SENP1: variants seen among roughly 807,000 people sequenced by gnomAD.
SENP1 encodes the protein sentrin-specific protease 1.
A neutral mutation model predicts 93.0 loss-of-function variants in SENP1; 21 were observed. The observed-to-expected ratio is 0.23, with a 90% confidence interval of 0.16 to 0.33. SENP1 has a LOEUF of 0.33. Among genes scored for constraint, SENP1 ranks in the 10% least tolerant of loss-of-function variants. The pLI is 1.00. For synonymous variants in SENP1, 256 were observed against 259.6 expected, an observed-to-expected ratio of 0.99 and a Z score of 0.13; for missense variants, 591 against 758.7, an observed-to-expected ratio of 0.78 and a Z score of 2.60.
chr12:48,105,201 G>A (rs747557147), intron 1 of SENP1: 2 of 339,658 alleles, frequency 5.9e-6, no homozygotes, highest in East Asian at 7.2e-5. Flanking sequence ...AATATAATAA[G>A]TGTACCAAAT....
rs370021236 is a variant in SENP1, at chr12:48,078,317, T to TTATATATATATA, written c.553-3536_553-3525dup. ...GTTTTTTGGTGGAGTCTGTAGGATT[T>TTATATATATATA]TATATATATATATATATACACACAC... On this transcript the variant is annotated intron_variant, in intron 6 of 17. Transcript: ENST00000549518. Among the ~76,000 whole-genome samples the TTATATATATATA allele has an allele frequency of 1.7e-3, 119 of 70,720 alleles. 8 individuals are homozygous for TTATATATATATA. Among genetic ancestry groups the TTATATATATATA allele is most frequent in the Admixed American group, 4.8e-3 (28 of 5,800 alleles). The allele number at this position is 70,720 out of a possible 152,430, so 46.4% of individuals were successfully genotyped here.
At chr12:48,063,527 T>C (rs1476392310) in intron 13 of SENP1, 183 bp downstream of exon 13, 1 of 517,338 alleles carries the variant, frequency 1.9e-6, no homozygotes, top group Non-Finnish European at 3.4e-6. Flanking sequence ...ACACCTGAGA[T>C]GTTTGTTAAA....
intron 9 of SENP1, among the ~76,000 whole-genome samples, chr12:48,070,275 T>C (rs975515880): frequency 2.6e-5 from 4 of 152,316 alleles, no homozygotes; most frequent in South Asian, 4.1e-4. Flanking sequence ...CATATTTCCA[T>C]ATGGCTCCCT....
At position 48,044,069 on chromosome 12, in the gene SENP1, A is replaced by G. The variant is rs1278721982; in HGVS notation, c.*1253T>C. Reference sequence around the variant, plus strand: ...CTCAGAGGGTGGGGAGAGATGCTAGAAAGAACAAAAGGAATAGCAGTTTTT... The same window carrying G: ...CTCAGAGGGTGGGGAGAGATGCTAGGAAGAACAAAAGGAATAGCAGTTTTT... On this transcript the variant is annotated 3_prime_UTR_variant, in exon 18 of 18. Coordinates refer to ENST00000549518, the MANE Select transcript of SENP1 (RefSeq NM_001267594.2). 6.6e-6 allele frequency: 1 copy of G among 152,408 alleles called. No individual in the cohort carries two copies. Among genetic ancestry groups the G allele is most frequent in the Non-Finnish European group, 1.5e-5 (1 of 68,008 alleles). 9.4% of individuals were successfully genotyped at this position (152,408 alleles called of 1,614,324 possible). A position where few individuals can be genotyped will look rare whatever the true frequency, so the allele number is the denominator to read the frequency against.
rs1377740607 is a variant in SENP1, at chr12:48,083,654, T to C, written c.489A>G (p.Ser163=). Residue 163 remains serine, a synonymous_variant, in exon 6 of 18, where the codon TCA becomes TCG. Coordinates refer to ENST00000549518, the MANE Select transcript of SENP1 (RefSeq NM_001267594.2). ...TGGGGCTCAAAAGACTTCGACGACA[T>C]GAACCACTCCAAGATGGACTTGGAA... The part of the protein sequence containing the change: ...KPVPSPSWSG[S]CRRSLLSPKK... The C allele has an allele frequency of 6.2e-7, 1 of 1,613,886 alleles. No individual in the cohort carries two copies. The highest frequency in any genetic ancestry group is 1.7e-5 in the Admixed American group (1 of 60,016).
At chr12:48,099,346 C>A (rs1039560050) in intron 2 of SENP1, among the ~76,000 whole-genome samples, 10 of 151,482 alleles carry the variant, frequency 6.6e-5, no homozygotes, top group African/African-American at 2.4e-4. Context: ...ACAACAACAA[C>A]AACAAAGAAA....
At chr12:48,053,112 A>G (rs1941941260) in intron 13 of SENP1, among the ~76,000 whole-genome samples, 1 of 152,146 alleles carries the variant, frequency 6.6e-6, no homozygotes, top group Admixed American at 6.6e-5. Context: ...TACTCCTTGG[A>G]AAAATTATCA....
At chr12:48,065,422 A>G (rs1401135443) in intron 11 of SENP1, among the ~76,000 whole-genome samples, 174 bp downstream of exon 11, 1 of 152,212 alleles carries the variant, frequency 6.6e-6, no homozygotes, top group African/African-American at 2.4e-5. Context: ...CTTATGTACA[A>G]TGAGTAGCAC....
intron 13 of SENP1, among the ~76,000 whole-genome samples, chr12:48,056,198 A>G (rs1268347641): frequency 1.2e-5 from 1 of 81,464 alleles, no homozygotes; most frequent in African/African-American, 5.2e-5. Context: ...AATATATAGT[A>G]TATATTATTT....
rs1941109317 is a variant in SENP1, at chr12:48,043,200, G to C, written c.*2122C>G. 1 of 152,590 alleles carries C rather than the reference G, an allele frequency of 6.6e-6. No individual in the cohort carries two copies. The highest frequency in any genetic ancestry group is 6.5e-5 in the Admixed American group (1 of 15,282). The allele number at this position is 152,590 out of a possible 1,614,324, so 9.5% of individuals were successfully genotyped here. A position where few individuals can be genotyped will look rare whatever the true frequency, so the allele number is the denominator to read the frequency against. On this transcript the variant is annotated 3_prime_UTR_variant, in exon 18 of 18. Transcript: ENST00000549518. ...AGAAAGGGGGCCCAAATTCAGACAG[G>C]CTCAACAATTCCTTATATATTTTTC...
chr12:48,046,413 C>T lies in SENP1; in HGVS notation c.1815G>A (p.Met605Ile). ...TACAGTCAGCATATTTGCAGGCAAA[C>T]ATCCCACAGTCACTTCCATTCATCT... ...PQQMNGSDCGMFACKYADCIT... is the reference protein window; with the variant it reads ...PQQMNGSDCGIFACKYADCIT... The change falls in exon 17 of 18, where the codon ATG (methionine) becomes ATA (isoleucine). Residue 605 changes from methionine to isoleucine, a missense_variant. By Grantham distance (10) the Met-to-Ile change is conservative. This residue lies in a region of SENP1 where 132 missense variants were observed against 230.1 expected (regional missense o/e 0.57). Coordinates refer to ENST00000549518, the MANE Select transcript of SENP1 (RefSeq NM_001267594.2). 12 of 1,613,378 alleles carry T rather than the reference C, an allele frequency of 7.4e-6. No individual in the cohort carries two copies. The highest frequency in any genetic ancestry group is 1.0e-5 in the Non-Finnish European group (12 of 1,179,414).
In SENP1 at chr12:48,089,404, G is replaced by A. The variant is rs185492133; in HGVS notation, c.221-444C>T. 59 of 1,104,736 alleles carry A rather than the reference G, an allele frequency of 5.3e-5. No homozygotes were observed. In the East Asian group the frequency reaches 1.8e-3, roughly 33 times the overall value. The allele number at this position is 1,104,736 out of a possible 1,614,324, so 68.4% of individuals were successfully genotyped here. On this transcript the variant is annotated intron_variant, in intron 4 of 17. Coordinates refer to ENST00000549518, the MANE Select transcript of SENP1 (RefSeq NM_001267594.2). Reference sequence around the variant, plus strand: ...CTAAGCAGCTAGTGTCACTTTCTTCGTTTTAGTTACCATGTTCAAGACTCA... The same window carrying A: ...CTAAGCAGCTAGTGTCACTTTCTTCATTTTAGTTACCATGTTCAAGACTCA...
chr12:48,045,467 A>G, intron 17 of SENP1, 83 bp from the exon 18 acceptor site: 1 of 1,125,614 alleles, frequency 8.9e-7, no homozygotes, highest in Non-Finnish European at 1.3e-6. Context: ...TTTCTTTTGC[A>G]AGGTTTTCAA....
chr12:48,070,864 G>A (rs1443897682), intron 9 of SENP1, among the ~76,000 whole-genome samples: 1 of 152,208 alleles, frequency 6.6e-6, no homozygotes, highest in South Asian at 2.1e-4. Context: ...GGCCAAGTTA[G>A]GAGGATCGCT....
In SENP1 at chr12:48,065,699, C is replaced by T. The variant is rs375658739; in HGVS notation, c.1035-19G>A. On this transcript the variant is annotated intron_variant, in intron 10 of 17. Coordinates refer to ENST00000549518, the MANE Select transcript of SENP1 (RefSeq NM_001267594.2). ...ACTAGTTCTAGAAAATGAAAAGGAA[C>T]GTGACCAAATGTAGACCACTCTCAT... 17 of 1,501,906 alleles carry T rather than the reference C, an allele frequency of 1.1e-5. No individual in the cohort carries two copies. The highest frequency in any genetic ancestry group is 1.4e-5 in the African/African-American group (1 of 71,978). The allele number at this position is 1,501,906 out of a possible 1,614,324, so 93.0% of individuals were successfully genotyped here.
At chr12:48,092,766 T>A (rs1324344556) in intron 4 of SENP1, among the ~76,000 whole-genome samples, 1 of 152,220 alleles carries the variant, frequency 6.6e-6, no homozygotes, top group Non-Finnish European at 1.5e-5. Flanking sequence ...ACTTGTGGTA[T>A]GAGGATAAAC....
intron 14 of SENP1, among the ~76,000 whole-genome samples, 169 bp downstream of exon 14, chr12:48,048,760 C>T (rs998495252): frequency 2.0e-5 from 3 of 152,138 alleles, no homozygotes; most frequent in East Asian, 1.9e-4. Context: ...AAATCTACAT[C>T]CCAATCTTGA....
At chr12:48,070,059 A>T (rs908303062) in intron 9 of SENP1, among the ~76,000 whole-genome samples, 1 of 152,238 alleles carries the variant, frequency 6.6e-6, no homozygotes. Context: ...ACAGAGGAAG[A>T]AGTATTTGAT....
Position 48,078,569 on chromosome 12 carries a change from G to A in SENP1, c.553-3776C>T, listed in dbSNP as rs1944303938. Among the ~76,000 whole-genome samples the A allele has an allele frequency of 2.0e-5, 3 of 150,784 alleles. No individual in the cohort carries two copies. In the South Asian group the frequency reaches 6.3e-4, roughly 32 times the overall value. ...AGAGTCTTGCTCTGTCGCCCAGACT[G>A]GAGTGCAGTGGCGCGATCTTGGCTC... On this transcript the variant is annotated intron_variant, in intron 6 of 17. Transcript: ENST00000549518.
Sources: allele counts gnomAD v4.1 joint callset (sites outside exome capture counted in the v4.1 genomes callset), GRCh38; gene constraint gnomAD v4.1.1; regional missense constraint gnomAD v4.1.1; transcripts MANE v1.5; gene names NCBI Gene and HGNC (gene_info 2026-07-23, HGNC 2026-07-21).